The following AMPH variants were observed in gnomAD, a reference collection of about 807,000 sequenced individuals.
AMPH encodes amphiphysin (Stiff-Mann syndrome with breast cancer 128kD autoantigen).
AMPH carries 49 observed loss-of-function variants against 99.1 expected under a neutral mutation model. The observed-to-expected ratio is 0.49, with a 90% CI of 0.39 to 0.63. The LOEUF is 0.63. Ranked by LOEUF, AMPH falls within the 20% of genes least tolerant of loss-of-function variation. AMPH has a pLI of 0.00. For missense variants in AMPH, 759 were observed against 863.4 expected, an observed-to-expected ratio of 0.88 and a Z score of 1.52; for synonymous variants, 314 against 317.3, an observed-to-expected ratio of 0.99 and a Z score of 0.11.
chr7:38,405,301 G>T (rs1422366083), intron 17 of AMPH, among the ~76,000 whole-genome samples: 2 of 152,148 alleles, frequency 1.3e-5, no homozygotes, highest in African/African-American at 4.8e-5. Flanking sequence ...TTACACAACT[G>T]AGATTATAAT....
chr7:38,417,754 G>A, intron 17 of AMPH, 71 bp downstream of exon 17: 2 of 1,578,256 alleles, frequency 1.3e-6, no homozygotes, highest in Non-Finnish European at 1.7e-6. Flanking sequence ...TGAGAGCGAT[G>A]CATATGGTCA....
chr7:38,618,312 A>C (rs1257059140), intron 1 of AMPH, among the ~76,000 whole-genome samples: 1 of 151,344 alleles, frequency 6.6e-6, no homozygotes, highest in Non-Finnish European at 1.5e-5. Context: ...GGAGATCAAG[A>C]CCATCCTGGC....
chr7:38,414,425 A>C (rs1018780085), intron 17 of AMPH, among the ~76,000 whole-genome samples: 3 of 152,204 alleles, frequency 2.0e-5, no homozygotes, highest in African/African-American at 7.2e-5. Flanking sequence ...TTTTGAAAAA[A>C]TAATAGGCAA....
chr7:38,534,816 A>C, intron 2 of AMPH, 115 bp downstream of exon 2: 3 of 827,734 alleles, frequency 3.6e-6, no homozygotes, highest in Middle Eastern at 4.7e-4. Flanking sequence ...GTTACTCTCA[A>C]GTTAGTGCCA....
chr7:38,514,366 C>T (rs957559515), intron 2 of AMPH, among the ~76,000 whole-genome samples: 1 of 152,134 alleles, frequency 6.6e-6, no homozygotes. Context: ...AAAGTTAATA[C>T]TAAGATGAAA....
intron 1 of AMPH, among the ~76,000 whole-genome samples, chr7:38,539,251 G>T (rs1290605183): frequency 1.3e-5 from 2 of 152,162 alleles, no homozygotes; most frequent in Non-Finnish European, 2.9e-5. Flanking sequence ...GAAGGTTCCT[G>T]GGATCCTTCC....
chr7:38,517,482 G>A (rs1789793228), intron 2 of AMPH, among the ~76,000 whole-genome samples: 1 of 152,114 alleles, frequency 6.6e-6, no homozygotes, highest in Admixed American at 6.5e-5. Context: ...TTTCCTGAGT[G>A]CCCCCCATCC....
intron 5 of AMPH, among the ~76,000 whole-genome samples, chr7:38,477,182 C>T (rs1788119578): frequency 6.6e-6 from 1 of 151,830 alleles, no homozygotes; most frequent in South Asian, 2.1e-4. Context: ...AATATCTTCC[C>T]TTTTGATAAT....
intron 1 of AMPH, among the ~76,000 whole-genome samples, chr7:38,587,914 CTG>C (rs200023803): frequency 0.16 from 20,383 of 125,806 alleles, 1,412 homozygotes; most frequent in East Asian, 0.22. Context: ...TTATTAATTA[CTG>C]TGTGTGTGTG....
rs1210370309 is a variant in AMPH at position 38,603,644 on chromosome 7, G to A, written c.69+27639C>T. ...CTATGCAAATGGAGTTACATGGAGT[G>A]TGCAGAAGAAGAGCCAGGCCTCCAT... On this transcript the variant is annotated intron_variant, in intron 1 of 20. Coordinates refer to ENST00000356264, the MANE Select transcript of AMPH (RefSeq NM_001635.4). 2.0e-5 allele frequency among the ~76,000 whole-genome samples: 3 copies of A among 152,196 alleles called. No individual in the cohort carries two copies. The South Asian group carries it at 6.2e-4, about 31-fold the overall frequency.
Position 38,507,200 on chromosome 7 carries a change from G to GT in AMPH, c.151-3497dup, listed in dbSNP as rs199716161. The stretch of plus-strand genomic sequence containing the variant: ...TCTTGTCGAAGGGAAACACTGCAGA[G>GT]TTTTTTTTTAAATGAAATAAGAAAT... On this transcript the variant is annotated intron_variant, in intron 2 of 20. Transcript: ENST00000356264. Among the ~76,000 whole-genome samples, 312 of 150,648 alleles carry GT rather than the reference G, an allele frequency of 2.1e-3. 3 individuals carry two copies. In the Middle Eastern group the frequency reaches 0.028, roughly 13 times the overall value.
At chr7:38,571,869 G>A (rs936865797) in intron 1 of AMPH, among the ~76,000 whole-genome samples, 7 of 150,774 alleles carry the variant, frequency 4.6e-5, no homozygotes, top group Non-Finnish European at 1.0e-4. Flanking sequence ...ATCCAGTCCT[G>A]CAAGCTCCAT....
chr7:38,628,069 T>C (rs992705615), intron 1 of AMPH, among the ~76,000 whole-genome samples: 15 of 152,198 alleles, frequency 9.9e-5, no homozygotes, highest in Admixed American at 9.2e-4. Context: ...GAAGAAAGAA[T>C]GGTTGTAACC....
intron 11 of AMPH, among the ~76,000 whole-genome samples, chr7:38,445,004 T>TACAC (rs1477700148): frequency 8.8e-5 from 11 of 124,994 alleles, no homozygotes; most frequent in Non-Finnish European, 1.6e-5. Context: ...TATATATATA[T>TACAC]ATATATACAC....
intron 1 of AMPH, among the ~76,000 whole-genome samples, chr7:38,571,070 AT>A (rs1791961430): frequency 1.7e-5 from 1 of 58,114 alleles, no homozygotes; most frequent in South Asian, 4.6e-4. Context: ...TTGAATATAT[AT>A]AGAATATATA....
intron 17 of AMPH, among the ~76,000 whole-genome samples, chr7:38,396,413 G>T (rs918546397): frequency 1.3e-4 from 20 of 152,292 alleles, no homozygotes; most frequent in Admixed American, 9.2e-4. Context: ...CATCATGATT[G>T]TGAGGCCTCC....
At chr7:38,452,454 T>C (rs1463511179) in intron 11 of AMPH, among the ~76,000 whole-genome samples, 1 of 152,210 alleles carries the variant, frequency 6.6e-6, no homozygotes, top group Non-Finnish European at 1.5e-5. Flanking sequence ...ATCAAATACA[T>C]TATTGTCTGG....
intron 2 of AMPH, among the ~76,000 whole-genome samples, chr7:38,530,825 G>A (rs1790371254): frequency 6.6e-6 from 1 of 152,196 alleles, no homozygotes; most frequent in Non-Finnish European, 1.5e-5. Context: ...ACCAAAAATA[G>A]AACGGGGAAG....
intron 1 of AMPH, among the ~76,000 whole-genome samples, chr7:38,539,518 C>T (rs1584222401): frequency 6.6e-6 from 1 of 152,164 alleles, no homozygotes; most frequent in Admixed American, 6.5e-5. Flanking sequence ...CCATCTTACT[C>T]AGGAAGAGGC....
Sources: allele counts gnomAD v4.1 joint callset (sites outside exome capture counted in the v4.1 genomes callset), GRCh38; gene constraint gnomAD v4.1.1; transcripts MANE v1.5; gene names NCBI Gene and HGNC (gene_info 2026-07-23, HGNC 2026-07-21).